Variants in TNFSF11 observed in about 807,000 individuals in gnomAD.
TNFSF11 encodes TNF superfamily member 11.
TNFSF11 carries 12 observed loss-of-function variants against 32.2 expected under a neutral mutation model. The observed-to-expected ratio is 0.37, with a 90% CI of 0.24 to 0.60. The LOEUF is 0.60. Among genes scored for constraint, TNFSF11 ranks in the 20% least tolerant of loss-of-function variants. TNFSF11 has a pLI of 0.66. For missense variants in TNFSF11, 345 were observed against 398.0 expected, an observed-to-expected ratio of 0.87 and a Z score of 1.13; for synonymous variants, 172 against 152.1, an observed-to-expected ratio of 1.13 and a Z score of -0.96.
rs941420546 is a variant in TNFSF11, at chr13:42,568,561, G to A, written c.-160+1799G>A. ...GGAATGTAATAAGACCAAGTTGCTT[G>A]TAAAGGGTAATGGGTAAGCTGGATT... On this transcript the variant is annotated intron_variant, in intron 2 of 6. Coordinates refer to the TNFSF11 transcript ENST00000358545. 2.0e-5 allele frequency among the ~76,000 whole-genome samples: 3 copies of A among 152,212 alleles called. No homozygotes were observed. The East Asian group carries it at 5.8e-4, about 29-fold the overall frequency.
chr13:42,607,053 C>T lies in TNFSF11; in HGVS notation c.*135C>T. The T allele has an allele frequency of 8.9e-7, 1 of 1,118,704 alleles. No individual in the cohort carries two copies. Among genetic ancestry groups the T allele is most frequent in the Non-Finnish European group, 1.3e-6 (1 of 768,954 alleles). 69.3% of individuals were successfully genotyped at this position (1,118,704 alleles called of 1,614,324 possible). A position where few individuals can be genotyped will look rare whatever the true frequency, so the allele number is the denominator to read the frequency against. ...AACGGTACACGACTCAGTATCCATG[C>T]TCTTGACCTTGTAGAGAACACGCGT... On this transcript the variant is annotated 3_prime_UTR_variant, in exon 5 of 5. Transcript: ENST00000398795.
At position 42,599,357 on chromosome 13, in the gene TNFSF11, T is replaced by TATC. The variant is rs1417942454; in HGVS notation, c.388-1394_388-1392dup. 1.7e-3 allele frequency among the ~76,000 whole-genome samples: 248 copies of TATC among 148,048 alleles called. 1 individual carries two copies. Among genetic ancestry groups the TATC allele is most frequent in the Non-Finnish European group, 2.6e-3 (175 of 66,208 alleles). On this transcript the variant is annotated intron_variant, in intron 2 of 4. Coordinates refer to ENST00000398795, the MANE Select transcript of TNFSF11 (RefSeq NM_003701.4). Reference sequence around the variant, plus strand: ...TCTATCTATCTATCTATCATCTATCTATCTATCTATCTATCTATCTATCTA... The same window carrying TATC: ...TCTATCTATCTATCTATCATCTATCTATCATCTATCTATCTATCTATCTATCTA...
intron 4 of TNFSF11, among the ~76,000 whole-genome samples, chr13:42,605,324 A>G (rs960304049): frequency 6.6e-6 from 1 of 152,224 alleles, no homozygotes; most frequent in Non-Finnish European, 1.5e-5. Flanking sequence ...TGCTGATTTC[A>G]AACTGCTGAC....
At chr13:42,569,425 G>A (rs1248262568), upstream of TNFSF11, among the ~76,000 whole-genome samples, 2 of 152,012 alleles carry the variant, frequency 1.3e-5, no homozygotes, top group African/African-American at 4.8e-5. Flanking sequence ...GCGGTCACCT[G>A]TAGTCCCAGC....
chr13:42,594,752 C>T (rs151301241), intron 2 of TNFSF11, among the ~76,000 whole-genome samples: 277 of 152,320 alleles, frequency 1.8e-3, no homozygotes, highest in African/African-American at 6.1e-3. Flanking sequence ...CTGAAGGAAG[C>T]TGGTCTCAAT....
At chr13:42,597,873 G>A (rs541679181) in intron 2 of TNFSF11, among the ~76,000 whole-genome samples, 1 of 151,834 alleles carries the variant, frequency 6.6e-6, no homozygotes, top group Admixed American at 6.6e-5. Context: ...TTTTTTAGAC[G>A]GGGTCTTGCT....
At chr13:42,585,811 C>G (rs1297240213) in intron 2 of TNFSF11, among the ~76,000 whole-genome samples, 1 of 152,220 alleles carries the variant, frequency 6.6e-6, no homozygotes, top group Non-Finnish European at 1.5e-5. Context: ...TGTGACTGCA[C>G]TTGACTTTAG....
chr13:42,599,998 A>T (rs1056792317), intron 2 of TNFSF11, among the ~76,000 whole-genome samples: 34 of 152,228 alleles, frequency 2.2e-4, no homozygotes, highest in Admixed American at 1.4e-3. Flanking sequence ...CTGAGCTTTC[A>T]TCCCCTCCAC....
At chr13:42,563,632 C>T (rs1396075679) in intron 1 of TNFSF11, among the ~76,000 whole-genome samples, 1 of 148,896 alleles carries the variant, frequency 6.7e-6, no homozygotes, top group Non-Finnish European at 1.5e-5. Flanking sequence ...CATTGCACTC[C>T]AGCCTGGGCA....
At chr13:42,578,992 T>TA (rs1342009761) in intron 1 of TNFSF11, among the ~76,000 whole-genome samples, 1 of 152,218 alleles carries the variant, frequency 6.6e-6, no homozygotes, top group Non-Finnish European at 1.5e-5. Flanking sequence ...GGGATCTAGT[T>TA]AAAATGCATA....
chr13:42,593,377 A>G (rs346592), intron 2 of TNFSF11, among the ~76,000 whole-genome samples: 24,058 of 152,238 alleles, frequency 0.16, 2,202 homozygotes, highest in East Asian at 0.3. Flanking sequence ...GATTTTAAGA[A>G]GGGACATGTA....
intron 1 of TNFSF11, 78 bp from the exon 2 acceptor site, chr13:42,581,048 T>C (rs978877965): frequency 7.3e-6 from 11 of 1,513,888 alleles, no homozygotes; most frequent in Admixed American, 1.7e-5. Flanking sequence ...GAATTTTTTG[T>C]TCTTAAGTCA....
chr13:42,582,036 C>A (rs539085521), intron 2 of TNFSF11, among the ~76,000 whole-genome samples: 6 of 152,304 alleles, frequency 3.9e-5, no homozygotes, highest in South Asian at 4.2e-4. Flanking sequence ...CAAACAGTGA[C>A]CCCAGTGCAA....
chr13:42,564,198 T>C (rs1437428011), intron 1 of TNFSF11, among the ~76,000 whole-genome samples: 1 of 152,224 alleles, frequency 6.6e-6, no homozygotes, highest in Non-Finnish European at 1.5e-5. Flanking sequence ...ACTTCTTTGT[T>C]GCAGTTCTCT....
chr13:42,572,800 A>G (rs550289808), upstream of TNFSF11, among the ~76,000 whole-genome samples: 36 of 152,292 alleles, frequency 2.4e-4, 1 homozygote, highest in South Asian at 7.5e-3. Flanking sequence ...TGCTTTAATA[A>G]CTCAGAGACC....
intron 1 of TNFSF11, among the ~76,000 whole-genome samples, chr13:42,564,794 C>G (rs1183985387): frequency 2.0e-5 from 3 of 152,192 alleles, no homozygotes; most frequent in African/African-American, 7.2e-5. Context: ...AGCTGGATTG[C>G]AGCTTTAAGT....
At chr13:42,569,556 AAAAAAGAAAAG>A (rs1400807931), upstream of TNFSF11, among the ~76,000 whole-genome samples, 20 of 140,086 alleles carry the variant, frequency 1.4e-4, no homozygotes, top group Non-Finnish European at 2.4e-4. Flanking sequence ...TCAAAAAAAA[AAAAAAGAAAAG>A]AAAAGAAAAG....
At chr13:42,588,408 T>C (rs1874002729) in intron 2 of TNFSF11, among the ~76,000 whole-genome samples, 1 of 152,226 alleles carries the variant, frequency 6.6e-6, no homozygotes, top group Non-Finnish European at 1.5e-5. Context: ...AAAGATATTC[T>C]GCATGACATC....
chr13:42,588,034 G>A (rs1428905329), intron 2 of TNFSF11, among the ~76,000 whole-genome samples: 3 of 152,116 alleles, frequency 2.0e-5, no homozygotes, highest in Admixed American at 6.5e-5. Context: ...AACCCACAAG[G>A]GTACTTGGTT....
Sources: gnomAD v4.1 joint callset for allele counts (sites outside exome capture counted in the v4.1 genomes callset) on GRCh38, gnomAD v4.1.1 for gene constraint, MANE v1.5 for transcripts, NCBI Gene and HGNC (gene_info 2026-07-23, HGNC 2026-07-21) for gene names.